The following SUSD1 variants were observed in gnomAD, a reference collection of about 807,000 sequenced individuals.
SUSD1 encodes the protein sushi domain-containing protein 1.
SUSD1 carries 65 observed loss-of-function variants against 86.9 expected under a neutral mutation model. The ratio of observed to expected loss-of-function variants is 0.75; its 90% CI spans 0.61 to 0.92. The LOEUF (loss-of-function observed/expected upper bound fraction) is 0.92, where lower values mean the gene tolerates loss of function less well. Ranked by LOEUF, SUSD1 falls within the 40% of genes least tolerant of loss-of-function variation. The pLI, the probability that SUSD1 is intolerant of heterozygous loss-of-function variation, is 0.00. For synonymous variants in SUSD1, 346 were observed against 350.0 expected (o/e 0.99, Z 0.13); for missense variants, 850 against 929.7 (o/e 0.91, Z 1.11).
chr9:112,106,062 T>A (rs755689226), intron 8 of SUSD1, among the ~76,000 whole-genome samples: 3 of 152,178 alleles, frequency 2.0e-5, no homozygotes. Flanking sequence ...CGATCTTGGC[T>A]CACTGCAAGC....
chr9:112,119,697 C>A (rs867772226), intron 6 of SUSD1, among the ~76,000 whole-genome samples: 1 of 152,346 alleles, frequency 6.6e-6, no homozygotes, highest in Non-Finnish European at 1.5e-5. Flanking sequence ...GACTCATTAA[C>A]ATCAAGCTTC....
chr9:112,083,117 T>C (rs1298665746), intron 10 of SUSD1, among the ~76,000 whole-genome samples: 1 of 152,098 alleles, frequency 6.6e-6, no homozygotes, highest in Non-Finnish European at 1.5e-5. Context: ...AGTAGCAGAA[T>C]ATAATAGAAA....
At chr9:112,102,913 C>A (rs1325926946) in intron 8 of SUSD1, among the ~76,000 whole-genome samples, 3 of 152,156 alleles carry the variant, frequency 2.0e-5, no homozygotes, top group African/African-American at 7.2e-5. Flanking sequence ...TCATTTCATA[C>A]CTCCTGCAGT....
At chr9:112,141,306 A>G (rs1193074995) in intron 5 of SUSD1, among the ~76,000 whole-genome samples, 1 of 152,222 alleles carries the variant, frequency 6.6e-6, no homozygotes, top group Non-Finnish European at 1.5e-5. Flanking sequence ...GACCACTACA[A>G]TGTGGTCCAT....
chr9:112,114,373 C>T (rs556817763), intron 6 of SUSD1, among the ~76,000 whole-genome samples: 10 of 152,200 alleles, frequency 6.6e-5, no homozygotes, highest in African/African-American at 2.2e-4. Flanking sequence ...GTCCCAGCTA[C>T]TTGGGAGGCT....
rs113808062 is a variant in SUSD1, at chr9:112,113,930, T to A, written c.887-1062A>T. Among the ~76,000 whole-genome samples the A allele has an allele frequency of 0.032, 4,815 of 151,938 alleles. 267 individuals carry two copies. The highest frequency in any genetic ancestry group is 0.11 in the African/African-American group (4,562 of 41,384). On this transcript the variant is annotated intron_variant, in intron 6 of 16. Transcript: ENST00000374270. The surrounding 1 kb of genome is among the most constrained non-coding windows in gnomAD (Gnocchi z 4.1). ...CTGGGTGACGGAGCAAAACTCCATC[T>A]CAAAAGTAATAAAATAAAATAAAAT...
rs1427534330 is a variant in SUSD1 at position 112,113,140 on chromosome 9, AGGCCACTGGATGCCACT to A, written c.887-289_887-273del. 2.0e-5 allele frequency among the ~76,000 whole-genome samples: 3 copies of A among 152,200 alleles called. No homozygotes were observed. Among genetic ancestry groups the A allele is most frequent in the Non-Finnish European group, 2.9e-5 (2 of 68,040 alleles). ...AATTCTAACCTGTGATTCACCTGACAGGCCACTGGATGCCACTGGCATTCCACTCTGGTAGAATGGAA... is the reference window on the plus strand; with the variant it reads ...AATTCTAACCTGTGATTCACCTGACAGGCATTCCACTCTGGTAGAATGGAA... On this transcript the variant is annotated intron_variant, in intron 6 of 16. Coordinates refer to ENST00000374270, the MANE Select transcript of SUSD1 (RefSeq NM_022486.5). The surrounding 1 kb of genome is among the most constrained non-coding windows in gnomAD (Gnocchi z 4.1).
intron 5 of SUSD1, among the ~76,000 whole-genome samples, chr9:112,132,061 G>C (rs1449890832): frequency 6.6e-6 from 1 of 152,224 alleles, no homozygotes; most frequent in Non-Finnish European, 1.5e-5. Flanking sequence ...AAATATTCCA[G>C]AAGGAAATTT....
At chr9:112,122,744 CAAAT>C (rs1425346061) in intron 6 of SUSD1, among the ~76,000 whole-genome samples, 1 of 152,096 alleles carries the variant, frequency 6.6e-6, no homozygotes, top group Non-Finnish European at 1.5e-5. Flanking sequence ...TGTCCATCAA[CAAAT>C]GAATGGATAA....
Position 112,124,286 on chromosome 9 carries a change from G to C in SUSD1, c.857C>G (p.Thr286Ser), listed in dbSNP as rs1422171469. Residue 286 changes from threonine (T) to serine (S), a missense_variant, in exon 6 of 17, where the codon ACC becomes AGC. Transcript: ENST00000374270. ...KITSVCTEKG[T>S]WRESTLTCTE... Reference sequence around the variant, plus strand: ...GCATGTTAAAGTACTTTCTCTCCAGGTGCCTTTCTCTGTGCAAACAGAAGT... The same window carrying C: ...GCATGTTAAAGTACTTTCTCTCCAGCTGCCTTTCTCTGTGCAAACAGAAGT... 1 of 1,613,834 alleles carries C rather than the reference G, an allele frequency of 6.2e-7. No individual in the cohort carries two copies. Among genetic ancestry groups the C allele is most frequent in the Non-Finnish European group, 8.5e-7 (1 of 1,179,836 alleles).
intron 4 of SUSD1, among the ~76,000 whole-genome samples, chr9:112,143,247 A>G (rs1832661594): frequency 6.6e-6 from 1 of 151,746 alleles, no homozygotes; most frequent in South Asian, 2.1e-4. Flanking sequence ...CGGCCTCCCA[A>G]AGTGCTGAGA....
intron 8 of SUSD1, 35 bp from the exon 9 acceptor site, chr9:112,102,320 C>A: frequency 8.0e-7 from 1 of 1,256,392 alleles, no homozygotes; most frequent in Non-Finnish European, 1.1e-6. Flanking sequence ...AGACAGCTTG[C>A]ACCATCTTAG....
At chr9:112,069,511 T>C (rs1041685284) in intron 12 of SUSD1, among the ~76,000 whole-genome samples, 1 of 152,192 alleles carries the variant, frequency 6.6e-6, no homozygotes, top group African/African-American at 2.4e-5. Context: ...AACGTACCCC[T>C]TCCCCTTTGA....
chr9:112,124,557 T>C (rs1459164069), intron 5 of SUSD1, 121 bp from the exon 6 acceptor site: 20 of 911,160 alleles, frequency 2.2e-5, no homozygotes, highest in Non-Finnish European at 2.6e-5. Context: ...GAGAAAACAC[T>C]AACCCCATCA....
At chr9:112,079,462 C>T (rs982071688) in intron 11 of SUSD1, among the ~76,000 whole-genome samples, 1 of 152,142 alleles carries the variant, frequency 6.6e-6, no homozygotes, top group Non-Finnish European at 1.5e-5. Flanking sequence ...TCTGCTAGAA[C>T]CTGAGAACAG....
intron 12 of SUSD1, among the ~76,000 whole-genome samples, chr9:112,066,224 A>C (rs1212333674): frequency 1.3e-5 from 2 of 152,230 alleles, no homozygotes; most frequent in African/African-American, 4.8e-5. Flanking sequence ...CTGAGGAATG[A>C]GAGACCTCTG....
intron 2 of SUSD1, among the ~76,000 whole-genome samples, chr9:112,153,293 AACACAC>A (rs915394505): frequency 2.6e-5 from 4 of 151,398 alleles, no homozygotes; most frequent in Non-Finnish European, 5.9e-5. Context: ...CTAAGACACA[AACACAC>A]ACACACACAA....
intron 7 of SUSD1, 136 bp downstream of exon 7, chr9:112,112,635 C>CA (rs1033736318): frequency 1.9e-4 from 111 of 576,444 alleles, no homozygotes; most frequent in Non-Finnish European, 2.8e-4. Flanking sequence ...GACTGTCTCA[C>CA]AAAAAAAATA....
At chr9:112,117,947 C>T (rs1831397894) in intron 6 of SUSD1, among the ~76,000 whole-genome samples, 1 of 152,098 alleles carries the variant, frequency 6.6e-6, no homozygotes, top group South Asian at 2.1e-4. Flanking sequence ...GCCTGGTTTC[C>T]CCCCAGTAGG....
Sources: allele counts gnomAD v4.1 joint callset (sites outside exome capture counted in the v4.1 genomes callset), GRCh38; gene constraint gnomAD v4.1.1; non-coding constraint Gnocchi (gnomAD v3.1); transcripts MANE v1.5; gene names NCBI Gene and HGNC (gene_info 2026-07-23, HGNC 2026-07-21).